The following RAD51B variants were observed in gnomAD, a reference collection of about 807,000 sequenced individuals.
The protein encoded by RAD51B is RAD51 paralog B, also known as DNA repair protein RAD51 homolog 2.
In RAD51B, 38 loss-of-function variants were observed where a neutral mutation model predicts 42.2. The ratio of observed to expected loss-of-function variants is 0.90; its 90% CI spans 0.70 to 1.18. RAD51B has a LOEUF of 1.18. RAD51B is among the 50% of genes most tolerant of loss of function. RAD51B has a pLI of 0.00. For synonymous variants in RAD51B, 154 were observed against 145.2 expected, an observed-to-expected ratio of 1.06 and a Z score of -0.43; for missense variants, 373 against 400.7, an observed-to-expected ratio of 0.93 and a Z score of 0.59.
intron 8 of RAD51B, among the ~76,000 whole-genome samples, chr14:68,362,890 G>T (rs536017233): frequency 6.6e-6 from 1 of 151,964 alleles, no homozygotes; most frequent in Non-Finnish European, 1.5e-5. Context: ...CAGAAATGTT[G>T]TTAGCTCCTT....
intron 7 of RAD51B, among the ~76,000 whole-genome samples, chr14:68,211,519 A>G (rs1412928422): frequency 1.3e-5 from 2 of 152,248 alleles, no homozygotes; most frequent in African/African-American, 4.8e-5. Context: ...GAGAGCTCCT[A>G]GCTTTCTTAA....
At chr14:68,471,588 T>A (rs2086126453) in intron 10 of RAD51B, among the ~76,000 whole-genome samples, 2 of 151,734 alleles carry the variant, frequency 1.3e-5, no homozygotes, top group African/African-American at 4.8e-5. Flanking sequence ...CTGGAGAGAC[T>A]GAGGGGCTGG....
rs374831953 is a variant in RAD51B at position 68,418,325 on chromosome 14, G to A, written c.957+6798G>A. ...ATGTCCTTACTTCTCTCTTTGAGGC[G>A]CATGAGCTCTGACCATCACAGGACA... On this transcript the variant is annotated intron_variant, in intron 9 of 10. Transcript: ENST00000471583. Among the ~76,000 whole-genome samples, 32 of 152,242 alleles carry A rather than the reference G, an allele frequency of 2.1e-4. No individual in the cohort carries two copies. The East Asian group carries it at 5.4e-3, about 26-fold the overall frequency.
chr14:68,087,986 A>AATATATTATTATATATAATTATATATT (rs1555353620), intron 7 of RAD51B, among the ~76,000 whole-genome samples: 38 of 128,582 alleles, frequency 3.0e-4, no homozygotes, highest in African/African-American at 1.1e-3. Context: ...ATAATTATAT[A>AATATATTATTATATATAATTATATATT]ATATATTATT....
chr14:68,488,131 A>G (rs1040568845), intron 10 of RAD51B, among the ~76,000 whole-genome samples: 1 of 152,018 alleles, frequency 6.6e-6, no homozygotes, highest in Non-Finnish European at 1.5e-5. Flanking sequence ...AAATGAATGA[A>G]TAAATGGCTT....
chr14:68,177,658 ATTAAG>A (rs2078986985), intron 7 of RAD51B, among the ~76,000 whole-genome samples: 1 of 152,176 alleles, frequency 6.6e-6, no homozygotes, highest in Admixed American at 6.5e-5. Flanking sequence ...ATAAGAAGCA[ATTAAG>A]TTTTTTTTTT....
chr14:68,154,708 T>C (rs910121606), intron 7 of RAD51B, among the ~76,000 whole-genome samples: 10 of 152,084 alleles, frequency 6.6e-5, no homozygotes, highest in East Asian at 3.9e-4. Flanking sequence ...TTTTTTTTTT[T>C]CCCTCATCTC....
At chr14:67,948,443 T>C (rs1157567173) in intron 7 of RAD51B, among the ~76,000 whole-genome samples, 1 of 152,188 alleles carries the variant, frequency 6.6e-6, no homozygotes, top group Non-Finnish European at 1.5e-5. Flanking sequence ...ATAAATATTT[T>C]GGTTTTGGTA....
chr14:67,920,287 T>C (rs2044279466), intron 7 of RAD51B, among the ~76,000 whole-genome samples: 1 of 152,204 alleles, frequency 6.6e-6, no homozygotes, highest in African/African-American at 2.4e-5. Flanking sequence ...ATTTTTTTTC[T>C]TGTTGAATTT....
chr14:68,221,291 A>G (rs756269312), intron 7 of RAD51B, among the ~76,000 whole-genome samples: 5 of 152,190 alleles, frequency 3.3e-5, no homozygotes, highest in Non-Finnish European at 5.9e-5. Flanking sequence ...CCCAACTTCA[A>G]ACTATAAGGG....
intron 8 of RAD51B, among the ~76,000 whole-genome samples, chr14:68,371,234 G>A (rs2083257267): frequency 6.6e-6 from 1 of 151,300 alleles, no homozygotes; most frequent in Non-Finnish European, 1.5e-5. Context: ...TTCTGTCCTA[G>A]AGGGCCGGGT....
intron 10 of RAD51B, chr14:68,468,545 C>G (rs2086043137): frequency 4.8e-6 from 2 of 416,560 alleles, no homozygotes; most frequent in Admixed American, 6.5e-5. Context: ...CACCCCATTC[C>G]TCTTTGCAGA....
At chr14:68,126,448 T>G (rs1433980411) in intron 7 of RAD51B, among the ~76,000 whole-genome samples, 1 of 152,214 alleles carries the variant, frequency 6.6e-6, no homozygotes, top group Admixed American at 6.5e-5. Context: ...CAGCAAAGAT[T>G]GGAAGCAGCA....
At chr14:68,582,754 A>G (rs1364020000) in intron 10 of RAD51B, among the ~76,000 whole-genome samples, 1 of 152,240 alleles carries the variant, frequency 6.6e-6, no homozygotes, top group Admixed American at 6.5e-5. Context: ...GAATCAACCC[A>G]AACGCCCATC....
chr14:68,306,550 T>G, intron 8 of RAD51B: 1 of 461,752 alleles, frequency 2.2e-6, no homozygotes, highest in South Asian at 1.6e-5. Context: ...TCATCTGAAA[T>G]TGGTATGTGT....
chr14:68,447,320 G>C (rs2140176148), intron 9 of RAD51B, among the ~76,000 whole-genome samples: 1 of 152,314 alleles, frequency 6.6e-6, no homozygotes, highest in East Asian at 1.9e-4. Flanking sequence ...TTAAGTTAAA[G>C]AGTTTATTCC....
At chr14:68,428,707 TTA>T (rs532906803) in intron 9 of RAD51B, among the ~76,000 whole-genome samples, 57 of 99,462 alleles carry the variant, frequency 5.7e-4, no homozygotes, top group African/African-American at 9.6e-4. Flanking sequence ...AGGATTTTCT[TTA>T]TATATATATA....
At chr14:68,589,026 C>T (rs61985819) in intron 10 of RAD51B, among the ~76,000 whole-genome samples, 24,449 of 152,026 alleles carry the variant, frequency 0.16, 2,540 homozygotes, top group Non-Finnish European at 0.23. Context: ...TGACCTGGGG[C>T]GAGTCCCTTA....
chr14:68,660,756 G>GA (rs779138398), intron 11 of RAD51B, among the ~76,000 whole-genome samples: 2 of 152,222 alleles, frequency 1.3e-5, no homozygotes, highest in Non-Finnish European at 2.9e-5. Flanking sequence ...AATGCTCCCA[G>GA]AGGGGGCGGT....
Sources: allele counts gnomAD v4.1 joint callset (sites outside exome capture counted in the v4.1 genomes callset), GRCh38; gene constraint gnomAD v4.1.1; transcripts MANE v1.5; gene names NCBI Gene and HGNC (gene_info 2026-07-23, HGNC 2026-07-21).